Variants in CHST9 observed in about 807,000 individuals in gnomAD.
The protein encoded by CHST9 is carbohydrate sulfotransferase 9.
A neutral mutation model predicts 44.4 loss-of-function variants in CHST9; 41 were observed. The observed-to-expected ratio is 0.92, with a 90% confidence interval of 0.72 to 1.20. The LOEUF (loss-of-function observed/expected upper bound fraction) is 1.20. Ranked by LOEUF, CHST9 falls within the 50% of genes most tolerant of loss-of-function variation. CHST9 has a pLI of 0.00. For missense variants in CHST9, 504 were observed against 516.5 expected (o/e 0.98, Z 0.23); for synonymous variants, 171 against 178.4 (o/e 0.96, Z 0.33).
intron 2 of CHST9, among the ~76,000 whole-genome samples, chr18:27,061,766 G>C (rs2057724256): frequency 6.6e-6 from 1 of 151,854 alleles, no homozygotes; most frequent in African/African-American, 2.4e-5. Flanking sequence ...AGAAAGAAAA[G>C]GGGACCTACA....
chr18:27,078,256 T>C (rs554950938), intron 2 of CHST9, among the ~76,000 whole-genome samples: 2 of 152,256 alleles, frequency 1.3e-5, no homozygotes, highest in Non-Finnish European at 2.9e-5. Flanking sequence ...TGCTAACACA[T>C]GAGTGAAGCC....
intron 4 of CHST9, among the ~76,000 whole-genome samples, chr18:26,951,007 GAT>G (rs2056239352): frequency 6.6e-6 from 1 of 152,198 alleles, no homozygotes; most frequent in Admixed American, 6.5e-5. Context: ...CTGACCGGCA[GAT>G]TAAGTGGAGA....
rs1598549168 is a variant in CHST9, at chr18:26,916,901, A to G, written c.690T>C (p.Ile230=). ...AAGCCAATCCATTTAGTACCATCAG[A>G]ATTCTTTTCCAATTGGAACAGCCAG... ...PKAGCSNWKR[I]LMVLNGLASS... is the part of the protein sequence containing the mutation. Residue 230 remains isoleucine (I), a synonymous_variant, in exon 6 of 6, where the codon ATT becomes ATC. Coordinates refer to ENST00000618847, the MANE Select transcript of CHST9 (RefSeq NM_031422.6). 2.5e-6 allele frequency: 4 copies of G among 1,613,890 alleles called. No homozygotes were observed. The highest frequency in any genetic ancestry group is 3.4e-6 in the Non-Finnish European group (4 of 1,179,848).
intron 2 of CHST9, among the ~76,000 whole-genome samples, chr18:27,097,734 T>C (rs1487147172): frequency 6.6e-6 from 1 of 152,134 alleles, no homozygotes; most frequent in Non-Finnish European, 1.5e-5. Flanking sequence ...TTTAAGTCTT[T>C]AATCCATCTT....
At chr18:27,030,395 G>A (rs1337373014) in intron 3 of CHST9, among the ~76,000 whole-genome samples, 2 of 152,166 alleles carry the variant, frequency 1.3e-5, no homozygotes. Context: ...ACAAGCCATG[G>A]ATTAATTATT....
chr18:27,092,069 G>T (rs554811706), intron 2 of CHST9, among the ~76,000 whole-genome samples: 1 of 151,598 alleles, frequency 6.6e-6, no homozygotes. Context: ...TGAATCTGTC[G>T]TCCTGGACTT....
intron 4 of CHST9, among the ~76,000 whole-genome samples, chr18:26,982,996 C>A (rs527509258): frequency 6.6e-6 from 1 of 152,036 alleles, no homozygotes; most frequent in Admixed American, 6.5e-5. Context: ...TGAATATAGA[C>A]CTCTAAGTGT....
Position 26,969,370 on chromosome 18 carries a change from C to CTGTGTGTGTG in CHST9, c.203-25005_203-25004insCACACACACA, listed in dbSNP as rs577001525. ...GTCTTCCTTTTTTGATTCTCTCTCTCTCTCTCTGTGTGTGTGTGTGTGTGT... is the reference window on the plus strand; with the variant it reads ...GTCTTCCTTTTTTGATTCTCTCTCTCTGTGTGTGTGTCTCTCTGTGTGTGTGTGTGTGTGT... On this transcript the variant is annotated intron_variant, in intron 4 of 5. Transcript: ENST00000618847. Among the ~76,000 whole-genome samples the CTGTGTGTGTG allele has an allele frequency of 6.5e-4, 79 of 122,012 alleles. No individual in the cohort carries two copies. In the East Asian group the frequency reaches 8.3e-3, roughly 13 times the overall value. 80.0% of individuals were successfully genotyped at this position (122,012 alleles called of 152,430 possible).
intron 4 of CHST9, among the ~76,000 whole-genome samples, chr18:27,020,312 C>T (rs2057209340): frequency 6.6e-6 from 1 of 152,102 alleles, no homozygotes; most frequent in Admixed American, 6.5e-5. Flanking sequence ...GGGCAATCTC[C>T]ACATTAGCAG....
chr18:27,076,373 T>C (rs1280599195), intron 2 of CHST9, among the ~76,000 whole-genome samples: 2 of 152,168 alleles, frequency 1.3e-5, no homozygotes, highest in Non-Finnish European at 2.9e-5. Flanking sequence ...TATTGGTCCA[T>C]TTTAGTAGGT....
chr18:27,178,316 A>T (rs2058884342), intron 1 of CHST9, among the ~76,000 whole-genome samples: 1 of 152,004 alleles, frequency 6.6e-6, no homozygotes, highest in Admixed American at 6.6e-5. Flanking sequence ...CTTCAATCTC[A>T]AGTGCTGCGC....
chr18:27,122,999 T>C (rs1262652541), intron 2 of CHST9, among the ~76,000 whole-genome samples: 1 of 152,178 alleles, frequency 6.6e-6, no homozygotes, highest in Non-Finnish European at 1.5e-5. Flanking sequence ...GCTAAGACAA[T>C]GCAGCTACTA....
intron 1 of CHST9, among the ~76,000 whole-genome samples, chr18:27,160,701 G>T (rs185897503): frequency 1.1e-3 from 163 of 152,270 alleles, no homozygotes; most frequent in African/African-American, 3.9e-3. Flanking sequence ...GCTCCTCCTT[G>T]TACCTCTAGT....
intron 2 of CHST9, among the ~76,000 whole-genome samples, chr18:27,138,077 G>T (rs1039146821): frequency 1.3e-5 from 2 of 152,126 alleles, no homozygotes; most frequent in Non-Finnish European, 2.9e-5. Context: ...TGACTGTGCT[G>T]CTTCTCCTGC....
chr18:26,978,263 A>ATG (rs200359169), intron 4 of CHST9, among the ~76,000 whole-genome samples: 3,343 of 142,570 alleles, frequency 0.023, 135 homozygotes, highest in African/African-American at 0.08. Flanking sequence ...TCTTTTTCTG[A>ATG]TGTGTGTGTG....
intron 2 of CHST9, among the ~76,000 whole-genome samples, chr18:27,057,462 A>G (rs75043430): frequency 6.6e-6 from 1 of 152,206 alleles, no homozygotes; most frequent in Non-Finnish European, 1.5e-5. Context: ...CAGCCTCCGC[A>G]GACATTGAGG....
At chr18:27,145,196 TTTA>T (rs1274166558) in intron 1 of CHST9, among the ~76,000 whole-genome samples, 2 of 152,146 alleles carry the variant, frequency 1.3e-5, no homozygotes, top group African/African-American at 2.4e-5. Flanking sequence ...GTTTGTTTTG[TTTA>T]TTATTTTTTT....
intron 1 of CHST9, among the ~76,000 whole-genome samples, chr18:27,163,563 C>T (rs968635831): frequency 2.8e-4 from 42 of 152,202 alleles, no homozygotes; most frequent in Middle Eastern, 3.2e-3. Context: ...TCATCTCAGA[C>T]TGCTGTGCTA....
chr18:27,087,941 T>A (rs1011545937), intron 2 of CHST9, among the ~76,000 whole-genome samples: 1 of 152,190 alleles, frequency 6.6e-6, no homozygotes, highest in African/African-American at 2.4e-5. Context: ...AAGAAGATCA[T>A]GTTAAAAATT....
Sources: allele counts gnomAD v4.1 joint callset (sites outside exome capture counted in the v4.1 genomes callset), GRCh38; gene constraint gnomAD v4.1.1; transcripts MANE v1.5; gene names NCBI Gene and HGNC (gene_info 2026-07-23, HGNC 2026-07-21).